The following RUSC2 variants were observed in gnomAD, a reference collection of about 807,000 sequenced individuals.
The protein encoded by RUSC2 is AP-4 complex accessory subunit RUSC2.
RUSC2 carries 34 observed loss-of-function variants against 122.2 expected under a neutral mutation model. The ratio of observed to expected loss-of-function variants is 0.28; its 90% confidence interval spans 0.21 to 0.37. The LOEUF (loss-of-function observed/expected upper bound fraction) is 0.37. RUSC2 is among the 10% of genes least tolerant of loss of function. The pLI is 1.00. For missense variants in RUSC2, 1,747 were observed against 1,952.4 expected, an observed-to-expected ratio of 0.89 and a Z score of 1.98; for synonymous variants, 784 against 790.0, an observed-to-expected ratio of 0.99 and a Z score of 0.13.
At chr9:35,552,024 C>T (rs1236832939) in intron 2 of RUSC2, among the ~76,000 whole-genome samples, 1 of 151,080 alleles carries the variant, frequency 6.6e-6, no homozygotes, top group Non-Finnish European at 1.5e-5. Context: ...GATTGCACCA[C>T]TGCATCCCAG....
intron 1 of RUSC2, among the ~76,000 whole-genome samples, chr9:35,539,485 T>G (rs1305384994): frequency 6.6e-6 from 1 of 152,024 alleles, no homozygotes; most frequent in Non-Finnish European, 1.5e-5. Flanking sequence ...TACTGTAAGT[T>G]TATGATGGAG....
intron 1 of RUSC2, among the ~76,000 whole-genome samples, chr9:35,523,929 T>C (rs1187521947): frequency 1.3e-5 from 2 of 151,952 alleles, no homozygotes; most frequent in African/African-American, 2.4e-5. Context: ...AATCCAGGGG[T>C]CCATATTTAT....
chr9:35,559,564 G>A (rs770156240), intron 9 of RUSC2, among the ~76,000 whole-genome samples: 7 of 152,114 alleles, frequency 4.6e-5, no homozygotes, highest in Admixed American at 1.3e-4. Context: ...GTGAAACCCC[G>A]TCTCTACTAA....
chr9:35,496,003 A>C (rs1296518215), intron 1 of RUSC2, among the ~76,000 whole-genome samples: 1 of 152,194 alleles, frequency 6.6e-6, no homozygotes, highest in Non-Finnish European at 1.5e-5. Context: ...GATTGGATAA[A>C]GTTGCTCCAA....
intron 1 of RUSC2, among the ~76,000 whole-genome samples, chr9:35,525,326 C>T (rs994720641): frequency 7.9e-5 from 12 of 152,166 alleles, no homozygotes; most frequent in Admixed American, 4.6e-4. Flanking sequence ...TTCTTCCATG[C>T]CTTGTTTTCC....
intron 1 of RUSC2, among the ~76,000 whole-genome samples, chr9:35,528,994 C>G (rs1821371417): frequency 1.3e-5 from 2 of 151,980 alleles, no homozygotes; most frequent in Non-Finnish European, 2.9e-5. Context: ...AGCTTAAAAG[C>G]CTTTTTCGAT....
chr9:35,556,130 G>T lies in RUSC2; in HGVS notation c.2835G>T (p.Arg945=). The T allele has an allele frequency of 6.2e-7, 1 of 1,614,128 alleles. No individual in the cohort carries two copies. The highest frequency in any genetic ancestry group is 1.1e-5 in the South Asian group (1 of 91,080). The change falls in exon 4 of 12, where the codon CGG becomes CGT. Residue 945 remains arginine (R), a synonymous_variant. Transcript: ENST00000361226. ...GTGCTGCCAGCCATCTGAACTGCCG[G>T]CTGAATGGTGTGTGAGCAGGGTCCC... ...SLSAASHLNC[R]LNGQAVKPLP...
At chr9:35,496,552 A>G (rs867212040) in intron 1 of RUSC2, among the ~76,000 whole-genome samples, 3 of 152,148 alleles carry the variant, frequency 2.0e-5, no homozygotes, top group Admixed American at 2.0e-4. Flanking sequence ...TTGTAAACCA[A>G]GTTCTGTGAT....
intron 1 of RUSC2, chr9:35,507,428 C>G (rs1019408884): frequency 1.3e-5 from 2 of 152,250 alleles, no homozygotes; most frequent in Admixed American, 6.5e-5. Flanking sequence ...AAACCCCAAC[C>G]CTGAATGAAT....
In RUSC2 at chr9:35,548,455, A is replaced by G. The variant is rs1212082277; in HGVS notation, c.1934A>G (p.Gln645Arg). 6.2e-7 allele frequency: 1 copy of G among 1,613,980 alleles called. No homozygotes were observed. Reference sequence around the variant, plus strand: ...GCTACTGGGCAAGGCCCCCTGGCTCAGCTGATGGATCCAGGGCCTGCTCTC... The same window carrying G: ...GCTACTGGGCAAGGCCCCCTGGCTCGGCTGATGGATCCAGGGCCTGCTCTC... The part of the protein sequence containing the change: ...LRATGQGPLA[Q>R]LMDPGPALPG... Residue 645 changes from glutamine to arginine, a missense_variant, in exon 2 of 12, where the codon CAG (glutamine) becomes CGG (arginine). By Grantham distance (43) the Gln-to-Arg change is conservative. Coordinates refer to ENST00000361226, the MANE Select transcript of RUSC2 (RefSeq NM_014806.5). This position sits in a 1 kb window ranked among gnomAD's most constrained non-coding sequence, Gnocchi z 4.5.
intron 1 of RUSC2, among the ~76,000 whole-genome samples, chr9:35,541,220 C>G (rs543344957): frequency 1.3e-5 from 2 of 152,128 alleles, no homozygotes; most frequent in South Asian, 2.1e-4. Context: ...CTTCTACTTT[C>G]TTCTTATTCT....
chr9:35,528,175 C>T (rs545487712), intron 1 of RUSC2, among the ~76,000 whole-genome samples: 7 of 152,174 alleles, frequency 4.6e-5, no homozygotes, highest in Admixed American at 1.3e-4. Flanking sequence ...TCCTTGAGGC[C>T]GGAAGTTCAA....
At chr9:35,549,914 A>T (rs966918471) in intron 2 of RUSC2, among the ~76,000 whole-genome samples, 33 of 17,246 alleles carry the variant, frequency 1.9e-3, no homozygotes, top group Non-Finnish European at 9.6e-4. Flanking sequence ...GGCCTTGTTT[A>T]AAAAAAAAGT....
chr9:35,507,121 AAAAAAT>A (rs1307604505), intron 1 of RUSC2, among the ~76,000 whole-genome samples: 3 of 152,186 alleles, frequency 2.0e-5, no homozygotes, highest in South Asian at 4.1e-4. Flanking sequence ...TATCTCAAGA[AAAAAAT>A]AAAAATAAGA....
chr9:35,521,453 G>A (rs1821213156), intron 1 of RUSC2, among the ~76,000 whole-genome samples: 1 of 152,206 alleles, frequency 6.6e-6, no homozygotes, highest in Non-Finnish European at 1.5e-5. Flanking sequence ...TTTCAGCTCA[G>A]TGAGGTTCAA....
intron 1 of RUSC2, among the ~76,000 whole-genome samples, chr9:35,505,423 T>A (rs1483107973): frequency 6.6e-6 from 1 of 152,202 alleles, no homozygotes; most frequent in Non-Finnish European, 1.5e-5. Flanking sequence ...GTTCAGTCAT[T>A]TGACCCTCCT....
At chr9:35,504,830 A>T (rs1195934676) in intron 1 of RUSC2, among the ~76,000 whole-genome samples, 1 of 152,210 alleles carries the variant, frequency 6.6e-6, no homozygotes, top group East Asian at 1.9e-4. Flanking sequence ...CACTTGTATT[A>T]GTTATCAAAA....
chr9:35,555,984 C>T lies in RUSC2; in HGVS notation c.2689C>T (p.Arg897Trp), dbSNP rs750266020. 9 of 1,614,172 alleles carry T rather than the reference C, an allele frequency of 5.6e-6. No homozygotes were observed. Among genetic ancestry groups the T allele is most frequent in the Non-Finnish European group, 6.8e-6 (8 of 1,180,002 alleles). Residue 897 changes from arginine to tryptophan, a missense_variant, in exon 4 of 12, where the codon CGG (arginine) becomes TGG (tryptophan). By Grantham distance (101) the Arg-to-Trp change is moderately radical. Transcript: ENST00000361226. The surrounding 1 kb of genome is among the most constrained non-coding windows in gnomAD (Gnocchi z 4.6). ...NHLSPQALKW[R>W]EYRRKNPLGP... is the part of the protein sequence containing the mutation. ...CCTATCCCCTCAAGCCCTCAAGTGG[C>T]GGGAATACAGGAGGAAGAACCCACT... is the stretch of plus-strand genomic sequence containing the variant.
chr9:35,538,436 T>G (rs1294710648), intron 1 of RUSC2, among the ~76,000 whole-genome samples: 1 of 152,024 alleles, frequency 6.6e-6, no homozygotes. Flanking sequence ...CAGCCTCCCT[T>G]CTGGGCTTCA....
Sources: gnomAD v4.1 joint callset for allele counts (sites outside exome capture counted in the v4.1 genomes callset) on GRCh38, gnomAD v4.1.1 for gene constraint, Gnocchi (gnomAD v3.1) non-coding constraint, MANE v1.5 for transcripts, NCBI Gene and HGNC (gene_info 2026-07-23, HGNC 2026-07-21) for gene names.